BRCA1: variants seen among roughly 807,000 people sequenced by gnomAD.
BRCA1 encodes BRCA1 DNA repair associated, also known as breast cancer type 1 susceptibility protein.
Under a neutral mutation model 173.7 loss-of-function variants are expected in BRCA1, and 140 were observed. The ratio of observed to expected loss-of-function variants is 0.81; its 90% CI spans 0.70 to 0.93. The LOEUF (loss-of-function observed/expected upper bound fraction) is 0.93. Among genes scored for constraint, BRCA1 ranks in the 40% least tolerant of loss-of-function variants. The probability of loss-of-function intolerance (pLI) is 0.00; values close to 1 mark genes in which losing one functional copy is unlikely to be tolerated. For missense variants in BRCA1, 1,983 were observed against 2,172.5 expected (o/e 0.91, Z 1.73); for synonymous variants, 662 against 756.0 (o/e 0.88, Z 2.04).
chr17:43,091,043 A>G lies in BRCA1; in HGVS notation c.4097-11T>C, dbSNP rs80358072. 4.4e-6 allele frequency: 7 copies of G among 1,608,798 alleles called. No homozygotes were observed. The highest frequency in any genetic ancestry group is 4.5e-5 in the East Asian group (2 of 44,834). On this transcript the variant is annotated splice_polypyrimidine_tract_variant and intron_variant, in intron 10 of 22. Transcript: ENST00000357654. ...CAGATGCTGCTTCACCTTAAATAAC[A>G]AAAACAGAGGTTCAGATGTAAAAGC...
intron 11 of BRCA1, among the ~76,000 whole-genome samples, chr17:43,087,913 C>T (rs1415885148): frequency 6.6e-6 from 1 of 150,598 alleles, no homozygotes; most frequent in Non-Finnish European, 1.5e-5. Context: ...TTTTTTTTTC[C>T]CAGACAGGGG....
chr17:43,065,077 G>C (rs561269443), intron 16 of BRCA1, among the ~76,000 whole-genome samples: 1 of 151,882 alleles, frequency 6.6e-6, no homozygotes, highest in African/African-American at 2.4e-5. Context: ...TGATCTGCCC[G>C]CCTTGGCCCC....
upstream of BRCA1, among the ~76,000 whole-genome samples, chr17:43,127,883 G>C (rs911636070): frequency 3.9e-5 from 6 of 151,982 alleles, no homozygotes; most frequent in Non-Finnish European, 7.4e-5. Flanking sequence ...TATTAGCTGG[G>C]TGCGGTGGTG....
chr17:43,140,129 C>T (rs948070202), intron 1 of BRCA1: 21 of 317,646 alleles, frequency 6.6e-5, no homozygotes, highest in Non-Finnish European at 1.1e-4. Context: ...ATCATGCCTG[C>T]GTGACAAAGC....
chr17:43,044,958 C>T lies in BRCA1; in HGVS notation c.*720G>A. On this transcript the variant is annotated 3_prime_UTR_variant, in exon 23 of 23. Coordinates refer to ENST00000357654, the MANE Select transcript of BRCA1 (RefSeq NM_007294.4). The stretch of plus-strand genomic sequence containing the variant: ...AGCTGGGATTACAGGTGTCCACCAC[C>T]ATGACCGGCTAATTTCTGTATTTTT... 6.2e-6 allele frequency: 3 copies of T among 480,112 alleles called. No homozygotes were observed. The highest frequency in any genetic ancestry group is 4.8e-5 in the South Asian group (3 of 62,560). 29.7% of individuals were successfully genotyped at this position (480,112 alleles called of 1,614,324 possible).
At chr17:43,151,448 C>T (rs1446937430) in intron 1 of BRCA1, among the ~76,000 whole-genome samples, 6 of 151,956 alleles carry the variant, frequency 3.9e-5, no homozygotes, top group East Asian at 3.9e-4. Context: ...CATGTGGTGG[C>T]GCATGCCTAT....
chr17:43,056,721 C>T (rs930630258), intron 19 of BRCA1, among the ~76,000 whole-genome samples: 6 of 151,892 alleles, frequency 4.0e-5, no homozygotes, highest in Non-Finnish European at 8.8e-5. Context: ...GAGAGAAAGA[C>T]ACCCCAGTGA....
rs180859920 is a variant in BRCA1, at chr17:43,157,437, C to T, written c.-20+12689G>A. Reference sequence around the variant, plus strand: ...TCTTAAGGCCTGGCGCGGAGGCTCACGCCTGTAATCCCAGCACTTTAGGAG... The same window carrying T: ...TCTTAAGGCCTGGCGCGGAGGCTCATGCCTGTAATCCCAGCACTTTAGGAG... On this transcript the variant is annotated intron_variant, in intron 1 of 7. Coordinates refer to the BRCA1 transcript ENST00000634433. Among the ~76,000 whole-genome samples, 22 of 152,352 alleles carry T rather than the reference C, an allele frequency of 1.4e-4. No homozygotes were observed. In the East Asian group the frequency reaches 4.0e-3, roughly 28 times the overall value.
At chr17:43,066,648 A>G (rs1426034834) in intron 16 of BRCA1, among the ~76,000 whole-genome samples, 1 of 148,948 alleles carries the variant, frequency 6.7e-6, no homozygotes, top group Non-Finnish European at 1.5e-5. Flanking sequence ...TGACCTTGTG[A>G]TCTGCCCGCC....
intron 1 of BRCA1, among the ~76,000 whole-genome samples, chr17:43,156,562 G>A (rs1206741404): frequency 6.6e-6 from 1 of 152,078 alleles, no homozygotes; most frequent in Non-Finnish European, 1.5e-5. Flanking sequence ...GTACCAATGT[G>A]GGTATTATTA....
At position 43,071,331 on chromosome 17, in the gene BRCA1, T is replaced by G. The variant is rs1178997157; in HGVS notation, c.4676-93A>C. 10 of 1,444,094 alleles carry G rather than the reference T, an allele frequency of 6.9e-6. No homozygotes were observed. The highest frequency in any genetic ancestry group is 9.6e-6 in the Non-Finnish European group (10 of 1,041,024). 89.5% of individuals were successfully genotyped at this position (1,444,094 alleles called of 1,614,324 possible). A position where few individuals can be genotyped will look rare whatever the true frequency, so the allele number is the denominator to read the frequency against. ...TTAAGAATTAAAAAGACCAATAAAG[T>G]TAGGTTAAGAGAAAAATGGGTACAT... On this transcript the variant is annotated intron_variant, in intron 14 of 22. Transcript: ENST00000357654.
At chr17:43,101,352 A>G (rs2054466641) in intron 6 of BRCA1, among the ~76,000 whole-genome samples, 1 of 151,834 alleles carries the variant, frequency 6.6e-6, no homozygotes, top group African/African-American at 2.4e-5. Context: ...GCACGCCACC[A>G]TGCCTGGCTA....
rs864622452 is a variant in BRCA1, at chr17:43,093,533, T to C, written c.1998A>G (p.Leu666=). 13 of 1,613,952 alleles carry C rather than the reference T, an allele frequency of 8.1e-6. No individual in the cohort carries two copies. The highest frequency in any genetic ancestry group is 1.7e-5 in the Admixed American group (1 of 59,994). ...NQMPVRHSRN[L]QLMEGKEPAT... Reference sequence around the variant, plus strand: ...CAGGTTCTTTACCTTCCATGAGTTGTAGGTTTCTGCTGTGCCTGACTGGCA... The same window carrying C: ...CAGGTTCTTTACCTTCCATGAGTTGCAGGTTTCTGCTGTGCCTGACTGGCA... The change falls in exon 10 of 23, where the codon CTA becomes CTG. Residue 666 remains leucine, a synonymous_variant. Coordinates refer to ENST00000357654, the MANE Select transcript of BRCA1 (RefSeq NM_007294.4).
intron 2 of BRCA1, among the ~76,000 whole-genome samples, chr17:43,117,815 A>G (rs1479870410): frequency 1.3e-5 from 2 of 152,184 alleles, no homozygotes; most frequent in African/African-American, 2.4e-5. Context: ...GTCTATCCAC[A>G]AAACCAAGGC....
At chr17:43,113,426 G>A (rs1248487707) in intron 3 of BRCA1, among the ~76,000 whole-genome samples, 1 of 151,756 alleles carries the variant, frequency 6.6e-6, no homozygotes, top group Non-Finnish European at 1.5e-5. Context: ...GAGTGCATTG[G>A]CATGATCTCG....
chr17:43,139,718 T>C, intron 1 of BRCA1: 1 of 375,272 alleles, frequency 2.7e-6, no homozygotes, highest in Non-Finnish European at 5.3e-6. Flanking sequence ...TAGGGCCCAG[T>C]GTCTGTTGTT....
At position 43,063,903 on chromosome 17, in the gene BRCA1, G is replaced by A. The variant is rs28897696; in HGVS notation, c.5123C>T (p.Ala1708Val). The A allele has an allele frequency of 2.0e-5, 32 of 1,613,780 alleles. No homozygotes were observed. In the African/African-American group the frequency reaches 2.9e-4, roughly 15 times the overall value. The change falls in exon 17 of 23, where the codon GCG becomes GTG. Residue 1708 changes from alanine (A) to valine (V), a missense_variant. Coordinates refer to ENST00000357654, the MANE Select transcript of BRCA1 (RefSeq NM_007294.4). The stretch of plus-strand genomic sequence containing the variant: ...ATAGCTAACTACCCATTTTCCTCCC[G>A]CAATTCCTAGAAAATATTTCAGTGT... ...ERTLKYFLGI[A>V]GGKWVVSYFW... is the part of the protein sequence containing the mutation.
intron 13 of BRCA1, among the ~76,000 whole-genome samples, chr17:43,076,202 T>C (rs2154051561): frequency 6.6e-6 from 1 of 152,290 alleles, no homozygotes; most frequent in Admixed American, 6.5e-5. Context: ...TGAAGAAGTC[T>C]ACCATCAGTT....
chr17:43,076,838 A>T (rs2052757344), intron 12 of BRCA1, among the ~76,000 whole-genome samples: 3 of 152,138 alleles, frequency 2.0e-5, no homozygotes, highest in Admixed American at 1.3e-4. Flanking sequence ...AATAAAAGGA[A>T]CACTTTAAGA....
Sources: gnomAD v4.1 joint callset for allele counts (sites outside exome capture counted in the v4.1 genomes callset) on GRCh38, gnomAD v4.1.1 for gene constraint, MANE v1.5 for transcripts, NCBI Gene and HGNC (gene_info 2026-07-23, HGNC 2026-07-21) for gene names.